The following HTATIP2 variants were observed in gnomAD, a reference collection of about 807,000 sequenced individuals.
The protein encoded by HTATIP2 is protein HTATIP2.
A neutral mutation model predicts 24.7 loss-of-function variants in HTATIP2; 26 were observed. That is an observed-to-expected ratio of 1.05 (90% CI 0.77 to 1.46). HTATIP2 has a LOEUF of 1.46. Among genes scored for constraint, HTATIP2 ranks in the 40% most tolerant of loss-of-function variants. HTATIP2 has a pLI of 0.00. For synonymous variants in HTATIP2, 99 were observed against 113.2 expected, an observed-to-expected ratio of 0.87 and a Z score of 0.79; for missense variants, 284 against 289.6, an observed-to-expected ratio of 0.98 and a Z score of 0.14.
chr11:20,382,670 C>T (rs1848538018), intron 4 of HTATIP2, among the ~76,000 whole-genome samples: 1 of 152,082 alleles, frequency 6.6e-6, no homozygotes, highest in South Asian at 2.1e-4. Flanking sequence ...GGCAGACAGA[C>T]CACCTTCTGG....
At chr11:20,370,711 G>A (rs770106487) in intron 2 of HTATIP2, among the ~76,000 whole-genome samples, 4 of 152,082 alleles carry the variant, frequency 2.6e-5, no homozygotes, top group South Asian at 2.1e-4. Context: ...GTGCAGTGGC[G>A]CAATCTCGGC....
intron 3 of HTATIP2, among the ~76,000 whole-genome samples, chr11:20,378,582 T>C (rs935938314): frequency 6.6e-6 from 1 of 152,196 alleles, no homozygotes; most frequent in Non-Finnish European, 1.5e-5. Flanking sequence ...ATACATAAGA[T>C]ATTTCCTCAT....
chr11:20,376,706 C>G lies in HTATIP2; in HGVS notation c.430C>G (p.Leu144Val), dbSNP rs770396381. The G allele has an allele frequency of 6.2e-7, 1 of 1,609,952 alleles. No homozygotes were observed. Among genetic ancestry groups the G allele is most frequent in the Non-Finnish European group, 8.5e-7 (1 of 1,178,794 alleles). ...TGATAAATCAAGCAATTTTTTATAT[C>G]TACAAGTTAAGGTTTGTGCAAGTTT... ...GADKSSNFLY[L>V]QVKGEVEAKV... Residue 144 changes from leucine (L) to valine (V), a missense_variant, in exon 3 of 5, where the codon CTA (leucine) becomes GTA (valine). Leu to Val is a conservative substitution (Grantham distance 32). Transcript: ENST00000451739.
intron 3 of HTATIP2, among the ~76,000 whole-genome samples, chr11:20,381,529 T>C (rs1015510596): frequency 6.6e-6 from 1 of 152,056 alleles, no homozygotes; most frequent in African/African-American, 2.4e-5. Flanking sequence ...TAAATGTCTG[T>C]GATGAGACAG....
In HTATIP2 at chr11:20,364,040, C is replaced by T. The variant is rs1592316134; in HGVS notation, c.-198C>T. ...CGCACCCTCCAGCTCGGGCCCCTTC[C>T]GATGGGTCTGCTGGCTCAGGTGCGG... is the stretch of plus-strand genomic sequence containing the variant. On this transcript the variant is annotated 5_prime_UTR_variant, in exon 1 of 5. It introduces an in-frame stop codon into an upstream open reading frame of the 5' UTR. Transcript: ENST00000451739. 3.0e-6 allele frequency: 4 copies of T among 1,323,256 alleles called. No homozygotes were observed. The highest frequency in any genetic ancestry group is 2.2e-5 in the South Asian group (1 of 45,198). 82.0% of individuals were successfully genotyped at this position (1,323,256 alleles called of 1,614,324 possible).
chr11:20,367,720 T>A, intron 2 of HTATIP2: 1 of 1,035,674 alleles, frequency 9.7e-7, no homozygotes, highest in Non-Finnish European at 1.2e-6. Context: ...ACTTCTGGAA[T>A]AGAACATCAG....
chr11:20,363,889 C>T lies in HTATIP2; in HGVS notation c.-349C>T. On this transcript the variant is annotated 5_prime_UTR_variant, in exon 1 of 5. Coordinates refer to ENST00000451739, the MANE Select transcript of HTATIP2 (RefSeq NM_001098522.2). ...CCCTGCTCCTGCTGCGTCGTGAGGACCCGGGGCCGGGGGCTGGCCCCAGGT... is the reference window on the plus strand; with the variant it reads ...CCCTGCTCCTGCTGCGTCGTGAGGATCCGGGGCCGGGGGCTGGCCCCAGGT... 2 of 1,243,526 alleles carry T rather than the reference C, an allele frequency of 1.6e-6. No homozygotes were observed. Among genetic ancestry groups the T allele is most frequent in the Admixed American group, 4.2e-5 (1 of 23,750 alleles). The allele number at this position is 1,243,526 out of a possible 1,614,324, so 77.0% of individuals were successfully genotyped here.
At chr11:20,364,943 T>G (rs999817985) in intron 1 of HTATIP2, among the ~76,000 whole-genome samples, 1 of 151,970 alleles carries the variant, frequency 6.6e-6, no homozygotes, top group African/African-American at 2.4e-5. Flanking sequence ...CCCAGGCTTG[T>G]GTCTGTAAAT....
chr11:20,376,247 C>CA (rs35603954), intron 2 of HTATIP2: 172,351 of 220,876 alleles, frequency 0.78, 64,647 homozygotes, highest in African/African-American at 0.81. Flanking sequence ...GTTATTAAGA[C>CA]AAAAAAAAAA....
At position 20,383,183 on chromosome 11, in the gene HTATIP2, C is replaced by T. The variant is rs773966588; in HGVS notation, c.707C>T (p.Ala236Val). ...AAGGCCATCCATGACCTGGGGAAAG[C>T]GCATGGCTCTCTCAAGCCATGACCA... ...ENKAIHDLGK[A>V]HGSLKP The change falls in exon 5 of 5, where the codon GCG becomes GTG. Residue 236 changes from alanine (A) to valine (V), a missense_variant. Transcript: ENST00000451739. 18 of 1,613,362 alleles carry T rather than the reference C, an allele frequency of 1.1e-5. No individual in the cohort carries two copies. The highest frequency in any genetic ancestry group is 2.2e-5 in the East Asian group (1 of 44,870).
At chr11:20,371,211 G>GC (rs113466032) in intron 2 of HTATIP2, among the ~76,000 whole-genome samples, 19 of 151,984 alleles carry the variant, frequency 1.3e-4, no homozygotes, top group Admixed American at 3.3e-4. Context: ...AATCTCTGTT[G>GC]TTTATTTGAT....
At chr11:20,370,380 T>C (rs575839549) in intron 2 of HTATIP2, among the ~76,000 whole-genome samples, 2 of 152,332 alleles carry the variant, frequency 1.3e-5, no homozygotes, top group South Asian at 4.1e-4. Flanking sequence ...GATTAGTGAA[T>C]TCAAGGTGGT....
intron 3 of HTATIP2, among the ~76,000 whole-genome samples, chr11:20,377,217 G>A (rs1277478489): frequency 6.6e-6 from 1 of 150,796 alleles, no homozygotes; most frequent in East Asian, 1.9e-4. Flanking sequence ...CAAGTAACTG[G>A]GACTAGAGGC....
Position 20,383,625 on chromosome 11 carries a change from C to T in HTATIP2, c.*420C>T, listed in dbSNP as rs1293507699. 3.0e-5 allele frequency: 5 copies of T among 169,490 alleles called. No individual in the cohort carries two copies. The highest frequency in any genetic ancestry group is 4.8e-5 in the African/African-American group (2 of 41,768). The allele number at this position is 169,490 out of a possible 1,614,324, so 10.5% of individuals were successfully genotyped here. On this transcript the variant is annotated 3_prime_UTR_variant, in exon 5 of 5. Coordinates refer to ENST00000451739, the MANE Select transcript of HTATIP2 (RefSeq NM_001098522.2). ...GCTCTGCTCTAAAATTGTTGACATT[C>T]ATGTCTCTGAGTTACAAAAGTGCTA...
chr11:20,381,404 C>G (rs893513111), intron 3 of HTATIP2, among the ~76,000 whole-genome samples: 1 of 152,046 alleles, frequency 6.6e-6, no homozygotes, highest in African/African-American at 2.4e-5. Context: ...CATGCCCTTG[C>G]ACTTCAGCCT....
chr11:20,378,832 G>A (rs1410253280), intron 3 of HTATIP2, among the ~76,000 whole-genome samples: 1 of 152,158 alleles, frequency 6.6e-6, no homozygotes, highest in Non-Finnish European at 1.5e-5. Flanking sequence ...GAGGCTGGGA[G>A]TTTGAAACCA....
chr11:20,380,414 T>C (rs1379989299), intron 3 of HTATIP2, among the ~76,000 whole-genome samples: 2 of 152,160 alleles, frequency 1.3e-5, no homozygotes, highest in African/African-American at 4.8e-5. Flanking sequence ...GGCTCACGCC[T>C]GTAATCCCAG....
At position 20,375,566 on chromosome 11, in the gene HTATIP2, CTCAA is replaced by C. The variant is rs755040205; in HGVS notation, c.304-1002_304-999del. Among the ~76,000 whole-genome samples, 10 of 152,290 alleles carry C rather than the reference CTCAA, an allele frequency of 6.6e-5. 1 individual carries two copies. In the East Asian group the frequency reaches 7.7e-4, roughly 12 times the overall value. ...AGCCTGGGCAACAGAGCAAGACTGT[CTCAA>C]TCAATCAATCACTGGGGCAGTAGTC... On this transcript the variant is annotated intron_variant, in intron 2 of 4. Transcript: ENST00000451739.
chr11:20,363,832 G>A lies in HTATIP2; in HGVS notation c.-406G>A, dbSNP rs770250743. The stretch of plus-strand genomic sequence containing the variant: ...CTCTGATGGCCGGGCCTGCGGCGCT[G>A]AGCGCGGCGGCGGCGGCTGCTCTGG... On this transcript the variant is annotated 5_prime_UTR_variant, in exon 1 of 5. Coordinates refer to ENST00000451739, the MANE Select transcript of HTATIP2 (RefSeq NM_001098522.2). 8.0e-6 allele frequency: 10 copies of A among 1,245,442 alleles called. No individual in the cohort carries two copies. The highest frequency in any genetic ancestry group is 2.7e-4 in the Middle Eastern group (1 of 3,746). 77.1% of individuals were successfully genotyped at this position (1,245,442 alleles called of 1,614,324 possible). A position where few individuals can be genotyped will look rare whatever the true frequency, so the allele number is the denominator to read the frequency against.
Sources: allele counts gnomAD v4.1 joint callset (sites outside exome capture counted in the v4.1 genomes callset), GRCh38; gene constraint gnomAD v4.1.1; transcripts MANE v1.5; gene names NCBI Gene and HGNC (gene_info 2026-07-23, HGNC 2026-07-21).